The following ARMC5 variants were observed in gnomAD, a reference collection of about 807,000 sequenced individuals.
The protein encoded by ARMC5 is armadillo repeat-containing protein 5.
Under a neutral mutation model 60.5 loss-of-function variants are expected in ARMC5, and 28 were observed. The ratio of observed to expected loss-of-function variants is 0.46; its 90% CI spans 0.34 to 0.63. The LOEUF (loss-of-function observed/expected upper bound fraction) is 0.63. Ranked by LOEUF, ARMC5 falls within the 30% of genes least tolerant of loss-of-function variation. The probability of loss-of-function intolerance (pLI) is 0.01; values close to 1 mark genes in which losing one functional copy is unlikely to be tolerated. For synonymous variants in ARMC5, 680 were observed against 607.3 expected (o/e 1.12, Z -1.76); for missense variants, 1,189 against 1,304.9 (o/e 0.91, Z 1.37).
At chr16:31,461,225 C>T (rs2082300909) in intron 1 of ARMC5, among the ~76,000 whole-genome samples, 1 of 152,040 alleles carries the variant, frequency 6.6e-6, no homozygotes. Context: ...CCTTTTGACT[C>T]CCCCCTTCCT....
In ARMC5 at chr16:31,464,291, TTA is replaced by T; in HGVS notation, c.1371-102_1371-101del. ...GGCTATAGAGGGATACCACATTTCT[TTA>T]AAAAAAAAAAAAAAAAAAAAAAAGA... On this transcript the variant is annotated intron_variant, in intron 3 of 5. Transcript: ENST00000268314. The surrounding 1 kb of genome is among the most constrained non-coding windows in gnomAD (Gnocchi z 7.6). 1.1e-6 allele frequency: 1 copy of T among 950,826 alleles called. No individual in the cohort carries two copies. Among genetic ancestry groups the T allele is most frequent in the Non-Finnish European group, 1.4e-6 (1 of 694,752 alleles). The allele number at this position is 950,826 out of a possible 1,614,324, so 58.9% of individuals were successfully genotyped here.
upstream of ARMC5, chr16:31,459,078 G>C (rs953001754): frequency 1.1e-5 from 17 of 1,492,402 alleles, 1 homozygote; most frequent in Admixed American, 3.7e-4. Flanking sequence ...CTCGGAGTCC[G>C]TCCCAAGGCC....
chr16:31,460,813 G>C (rs1465423823), intron 1 of ARMC5, among the ~76,000 whole-genome samples: 1 of 152,214 alleles, frequency 6.6e-6, no homozygotes, highest in Non-Finnish European at 1.5e-5. Flanking sequence ...AACCAGCACA[G>C]TAAGAACAAA....
intron 3 of ARMC5, among the ~76,000 whole-genome samples, chr16:31,463,743 G>A (rs1391360294): frequency 6.6e-6 from 1 of 151,760 alleles, no homozygotes; most frequent in Non-Finnish European, 1.5e-5. Flanking sequence ...TTTTCTCCAT[G>A]ACCCCTGTAC....
At position 31,459,713 on chromosome 16, in the gene ARMC5, A is replaced by C. The variant is rs1269280450; in HGVS notation, c.189A>C (p.Ala63=). ...KAAGGIERFR[A]RGGLRPLLAL... ...CGGGGGGAATCGAGCGCTTCCGGGC[A>C]CGCGGCGGGCTCCGCCCCCTACTCG... Residue 63 remains alanine, a synonymous_variant, in exon 1 of 6, where the codon GCA becomes GCC. Coordinates refer to ENST00000268314, the MANE Select transcript of ARMC5 (RefSeq NM_001105247.2). 6.4e-7 allele frequency: 1 copy of C among 1,560,888 alleles called. No homozygotes were observed. The highest frequency in any genetic ancestry group is 1.4e-5 in the African/African-American group (1 of 71,642).
intron 4 of ARMC5, chr16:31,465,552 T>C: frequency 1.9e-6 from 2 of 1,078,788 alleles, no homozygotes; most frequent in Non-Finnish European, 2.5e-6. Flanking sequence ...GTATAACTAT[T>C]CTTGTTTTAT....
chr16:31,459,138 G>T (rs1356641672), upstream of ARMC5: 2 of 1,492,098 alleles, frequency 1.3e-6, no homozygotes, highest in South Asian at 2.6e-5. Flanking sequence ...AGGAGAAAAG[G>T]CGGTCCCCGC....
At position 31,464,937 on chromosome 16, in the gene ARMC5, C is replaced by T; in HGVS notation, c.1864+50C>T. ...CCTTGCCCCCATGTGAGTCCCCATC[C>T]TCCCCCATGGCTTCCATGGGCCCAG... On this transcript the variant is annotated intron_variant, in intron 4 of 5. Transcript: ENST00000268314. The surrounding 1 kb of genome is among the most constrained non-coding windows in gnomAD (Gnocchi z 7.6). 1.9e-6 allele frequency: 3 copies of T among 1,612,190 alleles called. No individual in the cohort carries two copies. In the East Asian group the frequency reaches 6.7e-5, roughly 36 times the overall value.
rs774984127 is a variant in ARMC5 at position 31,459,951 on chromosome 16, G to T, written c.427G>T (p.Gly143Trp). 2 of 1,603,146 alleles carry T rather than the reference G, an allele frequency of 1.2e-6. No homozygotes were observed. Among genetic ancestry groups the T allele is most frequent in the Non-Finnish European group, 1.7e-6 (2 of 1,179,546 alleles). The change falls in exon 1 of 6, where the codon GGG becomes TGG. Residue 143 changes from glycine (G) to tryptophan (W), a missense_variant. Physicochemically the swap from Gly to Trp is radical, Grantham distance 184. This residue lies in a region of ARMC5 where 327 missense variants were observed against 233.7 expected (regional missense o/e 1.40). Transcript: ENST00000268314. ...CATCCTAGCCGATTGCTGTACGGAA[G>T]GGGCGTGCCGGACCGAAGTGCGCAG... ...LSILADCCTE[G>W]ACRTEVRRLG...
intron 1 of ARMC5, chr16:31,460,267 A>C: frequency 2.1e-6 from 1 of 469,348 alleles, no homozygotes; most frequent in Non-Finnish European, 3.7e-6. Flanking sequence ...GCGGAGGCCA[A>C]AGAGTTATTT....
At chr16:31,459,071 G>T, upstream of ARMC5, 8 of 1,499,328 alleles carry the variant, frequency 5.3e-6, no homozygotes, top group Non-Finnish European at 7.1e-6. Flanking sequence ...CGGGGTTCTC[G>T]GAGTCCGTCC....
At position 31,462,718 on chromosome 16, in the gene ARMC5, G is replaced by A. The variant is rs1194532190; in HGVS notation, c.1171G>A (p.Val391Met). Residue 391 changes from valine to methionine, a missense_variant, in exon 3 of 6, where the codon GTG becomes ATG. By Grantham distance (21) the Val-to-Met change is conservative. Transcript: ENST00000268314. The surrounding 1 kb of genome is among the most constrained non-coding windows in gnomAD (Gnocchi z 7.2). ...PRASAWHPRI[V>M]AALVGFLYDT... The stretch of plus-strand genomic sequence containing the variant: ...TGCAAGCGCATGGCACCCTCGTATT[G>A]TGGCTGCCCTTGTGGGGTTTCTGTA... The A allele has an allele frequency of 6.2e-7, 1 of 1,613,806 alleles. No homozygotes were observed.
chr16:31,461,146 G>A (rs1186034408), intron 1 of ARMC5, among the ~76,000 whole-genome samples: 1 of 152,106 alleles, frequency 6.6e-6, no homozygotes, highest in Non-Finnish European at 1.5e-5. Flanking sequence ...TGGTATCTCT[G>A]TGCTGTGTGA....
Position 31,459,778 on chromosome 16 carries a change from C to A in ARMC5, c.254C>A (p.Ser85Tyr). The change falls in exon 1 of 6, where the codon TCC becomes TAC. Residue 85 changes from serine (S) to tyrosine (Y), a missense_variant. By Grantham distance (144) the Ser-to-Tyr change is moderately radical. Around this residue, in one of 2 missense-constraint regions of ARMC5, gnomAD observed 327 missense variants for 233.7 expected, o/e 1.40. Transcript: ENST00000268314. ...GCGGCTGCAGCGGGTTCCGCCCCGT[C>A]CCAGGCAGGCCCCGGCTCCGCCCCC... Reference protein sequence around the residue: ...RRAAAAGSAPSQAGPGSAPSS... With the variant: ...RRAAAAGSAPYQAGPGSAPSS... 1 of 1,540,100 alleles carries A rather than the reference C, an allele frequency of 6.5e-7. No individual in the cohort carries two copies.
rs2082307159 is a variant in ARMC5, at chr16:31,461,949, A to T, written c.503A>T (p.Asp168Val). The T allele has an allele frequency of 1.2e-6, 2 of 1,614,224 alleles. No homozygotes were observed. Among genetic ancestry groups the T allele is most frequent in the East Asian group, 4.5e-5 (2 of 44,882 alleles). The change falls in exon 2 of 6, where the codon GAC (aspartate) becomes GTC (valine). Residue 168 changes from aspartate (D) to valine (V), a missense_variant. Coordinates refer to ENST00000268314, the MANE Select transcript of ARMC5 (RefSeq NM_001105247.2). ...LVTILQCMKT[D>V]SIQNRTARAL... ...ACCATTCTTCAGTGCATGAAGACAG[A>T]CAGCATCCAGAACCGAACGGCCCGT...
chr16:31,462,498 A>C lies in ARMC5; in HGVS notation c.951A>C (p.Ala317=). ...GTGCCCAGGGCCTGATTCGGCCTGC[A>C]CTGGGCAATGCTGGTGGCGTGGAGG... ...NLCAQGLIRP[A]LGNAGGVEVL... Residue 317 remains alanine, a synonymous_variant, in exon 3 of 6, where the codon GCA becomes GCC. Transcript: ENST00000268314. This position sits in a 1 kb window ranked among gnomAD's most constrained non-coding sequence, Gnocchi z 7.2. 1 of 1,612,026 alleles carries C rather than the reference A, an allele frequency of 6.2e-7. No homozygotes were observed.
chr16:31,459,485 A>G, upstream of ARMC5: 1 of 1,575,672 alleles, frequency 6.3e-7, no homozygotes. Flanking sequence ...CCCTGGGATC[A>G]GCGGCGAGAA....
At chr16:31,458,962 C>T (rs2082271953), upstream of ARMC5, 1 of 1,535,500 alleles carries the variant, frequency 6.5e-7, no homozygotes, top group Non-Finnish European at 8.7e-7. Flanking sequence ...TAGGAAGCGG[C>T]AGCGAACGTT....
rs199677943 is a variant in ARMC5 at position 31,465,439 on chromosome 16, AG to A, written c.1865-409del. On this transcript the variant is annotated intron_variant, in intron 4 of 5. Transcript: ENST00000268314. The stretch of plus-strand genomic sequence containing the variant: ...ATCTCTGTATGGCCTGGTTTTTCCC[AG>A]GTTATGATTATAGAGCGAGGATTAT... 1.9e-3 allele frequency: 1,992 copies of A among 1,030,584 alleles called. 27 individuals carry two copies. In the African/African-American group the frequency reaches 0.029, roughly 15 times the overall value. The allele number at this position is 1,030,584 out of a possible 1,614,324, so 63.8% of individuals were successfully genotyped here. A position where few individuals can be genotyped will look rare whatever the true frequency, so the allele number is the denominator to read the frequency against.
Sources: gnomAD v4.1 joint callset for allele counts (sites outside exome capture counted in the v4.1 genomes callset) on GRCh38, gnomAD v4.1.1 for gene constraint, gnomAD v4.1.1 regional missense constraint, Gnocchi (gnomAD v3.1) non-coding constraint, MANE v1.5 for transcripts, NCBI Gene and HGNC (gene_info 2026-07-23, HGNC 2026-07-21) for gene names.